Variants in CBX3 observed in about 807,000 individuals in gnomAD.
CBX3 encodes the protein chromobox 3.
Under a neutral mutation model 22.6 loss-of-function variants are expected in CBX3, and 5 were observed. The ratio of observed to expected loss-of-function variants is 0.22; its 90% confidence interval spans 0.12 to 0.47. The LOEUF (loss-of-function observed/expected upper bound fraction) is 0.47. CBX3 is among the 20% of genes least tolerant of loss of function. The pLI is 0.99. For synonymous variants in CBX3, 50 were observed against 66.6 expected (o/e 0.75, Z 1.21); for missense variants, 83 against 208.1 (o/e 0.40, Z 3.70).
intron 4 of CBX3, among the ~76,000 whole-genome samples, chr7:26,210,750 A>C (rs989820065): frequency 1.3e-5 from 2 of 152,202 alleles, no homozygotes; most frequent in African/African-American, 2.4e-5. Flanking sequence ...GAAGAGTAGC[A>C]TTTTACATTT....
intron 3 of CBX3, among the ~76,000 whole-genome samples, chr7:26,207,074 G>T (rs1395511377): frequency 6.6e-6 from 1 of 152,050 alleles, no homozygotes; most frequent in Admixed American, 6.6e-5. Context: ...ATACTTTAAC[G>T]CTTGGGGTTT....
intron 3 of CBX3, among the ~76,000 whole-genome samples, chr7:26,207,182 C>T (rs945293417): frequency 5.2e-4 from 79 of 152,172 alleles, no homozygotes; most frequent in Admixed American, 2.0e-4. Flanking sequence ...TTCCTGAGCA[C>T]GCTGGAGATG....
chr7:26,206,426 A>C lies in CBX3; in HGVS notation c.83A>C (p.Glu28Ala). The C allele has an allele frequency of 6.2e-7, 1 of 1,613,956 alleles. No homozygotes were observed. Residue 28 changes from glutamate to alanine, a missense_variant, in exon 3 of 6, where the codon GAA (glutamate) becomes GCA (alanine). Coordinates refer to ENST00000396386, the MANE Select transcript of CBX3 (RefSeq NM_016587.4). ...AAAAAAGTTGAAGAGGCAGAGCCTG[A>C]AGAATTTGTCGTGGAAAAAGTACTA... ...KSKKVEEAEP[E>A]EFVVEKVLDR...
chr7:26,206,276 C>G, intron 2 of CBX3, 92 bp from the exon 3 acceptor site: 3 of 788,642 alleles, frequency 3.8e-6, no homozygotes, highest in Non-Finnish European at 6.0e-6. Flanking sequence ...AAATTTATGT[C>G]GAATGTGATA....
At chr7:26,208,151 G>A in intron 3 of CBX3, 1 of 294,198 alleles carries the variant, frequency 3.4e-6, no homozygotes. Context: ...TGAGTCGGGA[G>A]TTGGAATCTT....
intron 2 of CBX3, 172 bp from the exon 3 acceptor site, chr7:26,206,196 A>G (rs1361450761): frequency 1.3e-5 from 7 of 556,346 alleles, no homozygotes; most frequent in African/African-American, 1.9e-5. Context: ...AAGATAAAGC[A>G]TTCTTTTATT....
intron 1 of CBX3, chr7:26,202,214 G>A (rs1189965188): frequency 6.6e-6 from 1 of 151,840 alleles, no homozygotes; most frequent in Non-Finnish European, 1.5e-5. Flanking sequence ...CGTCCGCGAG[G>A]CCTGGCGGCG....
chr7:26,211,907 A>G, intron 5 of CBX3, 151 bp downstream of exon 5: 1 of 862,774 alleles, frequency 1.2e-6, no homozygotes, highest in Non-Finnish European at 1.7e-6. Context: ...AGCAAGGGTC[A>G]GCAAACTGTG....
At chr7:26,206,545 A>G (rs780117410) in intron 3 of CBX3, 35 bp downstream of exon 3, 2 of 1,598,250 alleles carry the variant, frequency 1.3e-6, no homozygotes, top group South Asian at 2.2e-5. Context: ...CTATATGTTT[A>G]ACTGCAGCTA....
At chr7:26,209,808 A>G (rs1385818072) in intron 4 of CBX3, 2 of 152,192 alleles carry the variant, frequency 1.3e-5, no homozygotes, top group Admixed American at 6.5e-5. Context: ...TTGGGGAAAC[A>G]TCTTGGTGCT....
rs188896172 is a variant in CBX3, at chr7:26,202,926, T to C, written c.-28-45T>C. On this transcript the variant is annotated intron_variant, in intron 1 of 5. Coordinates refer to ENST00000396386, the MANE Select transcript of CBX3 (RefSeq NM_016587.4). ...AACAGAATTTGTATTTAGTTACCTTTTTTGTGTCATGCAAACTTACCTTAA... is the reference window on the plus strand; with the variant it reads ...AACAGAATTTGTATTTAGTTACCTTCTTTGTGTCATGCAAACTTACCTTAA... The C allele has an allele frequency of 3.6e-3, 4,451 of 1,225,262 alleles. 18 individuals are homozygous for C. The highest frequency in any genetic ancestry group is 9.6e-3 in the Middle Eastern group (51 of 5,292). The allele number at this position is 1,225,262 out of a possible 1,614,324, so 75.9% of individuals were successfully genotyped here. A position where few individuals can be genotyped will look rare whatever the true frequency, so the allele number is the denominator to read the frequency against.
chr7:26,209,238 G>C (rs10279800), intron 4 of CBX3, among the ~76,000 whole-genome samples: 1 of 152,018 alleles, frequency 6.6e-6, no homozygotes, highest in Non-Finnish European at 1.5e-5. Flanking sequence ...TTAAAATTCA[G>C]ATACTTTTAT....
intron 4 of CBX3, among the ~76,000 whole-genome samples, chr7:26,210,987 G>A (rs1403205289): frequency 1.3e-5 from 2 of 151,754 alleles, no homozygotes; most frequent in Non-Finnish European, 2.9e-5. Flanking sequence ...TAGCGCAGGG[G>A]GTCCAATCTT....
intron 3 of CBX3, among the ~76,000 whole-genome samples, chr7:26,207,382 T>C (rs1784703436): frequency 6.6e-6 from 1 of 152,194 alleles, no homozygotes; most frequent in South Asian, 2.1e-4. Flanking sequence ...ATTAAGCCCA[T>C]GAAACATGAA....
At position 26,212,519 on chromosome 7, in the gene CBX3, T is replaced by G. The variant is rs1441213180; in HGVS notation, c.*311T>G. 6.4e-6 allele frequency: 1 copy of G among 156,204 alleles called. No homozygotes were observed. Among genetic ancestry groups the G allele is most frequent in the African/African-American group, 2.4e-5 (1 of 41,562 alleles). 9.7% of individuals were successfully genotyped at this position (156,204 alleles called of 1,614,324 possible). A position where few individuals can be genotyped will look rare whatever the true frequency, so the allele number is the denominator to read the frequency against. On this transcript the variant is annotated 3_prime_UTR_variant, in exon 6 of 6. Transcript: ENST00000396386. ...ATGTTGGGGGAAATGTCCATAGTCA[T>G]TACTCAGTCAAAACTTGTGTTCTCA... is the stretch of plus-strand genomic sequence containing the variant.
At chr7:26,211,030 C>T (rs975984635) in intron 4 of CBX3, among the ~76,000 whole-genome samples, 12 of 146,492 alleles carry the variant, frequency 8.2e-5, no homozygotes, top group Non-Finnish European at 1.2e-4. Flanking sequence ...GGAGAATTGT[C>T]GAGGGCTACA....
chr7:26,206,257 T>C (rs926848876), intron 2 of CBX3, 111 bp from the exon 3 acceptor site: 10 of 674,006 alleles, frequency 1.5e-5, no homozygotes, highest in Non-Finnish European at 2.5e-5. Flanking sequence ...CCCTGGGATA[T>C]AGAAGTAAAA....
intron 3 of CBX3, among the ~76,000 whole-genome samples, chr7:26,207,522 T>G (rs561376303): frequency 3.3e-4 from 50 of 152,212 alleles, no homozygotes; most frequent in East Asian, 1.2e-3. Flanking sequence ...AAAAGACTTT[T>G]TTTTGTTTTG....
chr7:26,211,078 TAAA>T (rs74744309), intron 4 of CBX3, among the ~76,000 whole-genome samples: 162 of 106,670 alleles, frequency 1.5e-3, no homozygotes, highest in Non-Finnish European at 2.7e-3. Flanking sequence ...GCTGATGAGC[TAAA>T]AAAAAAAAAA....
Sources: allele counts gnomAD v4.1 joint callset (sites outside exome capture counted in the v4.1 genomes callset), GRCh38; gene constraint gnomAD v4.1.1; transcripts MANE v1.5; gene names NCBI Gene and HGNC (gene_info 2026-07-23, HGNC 2026-07-21).